Variants in SPA17 observed in about 807,000 individuals in gnomAD.
SPA17 encodes sperm autoantigenic protein 17.
SPA17 carries 7 observed loss-of-function variants against 13.8 expected under a neutral mutation model. That is an observed-to-expected ratio of 0.51 (90% confidence interval 0.29 to 0.95). The LOEUF is 0.95. Among genes scored for constraint, SPA17 ranks in the 40% least tolerant of loss-of-function variants. The probability of loss-of-function intolerance (pLI) is 0.08; values close to 1 mark genes in which losing one functional copy is unlikely to be tolerated. For synonymous variants in SPA17, 61 were observed against 59.0 expected, an observed-to-expected ratio of 1.03 and a Z score of -0.16; for missense variants, 170 against 179.3, an observed-to-expected ratio of 0.95 and a Z score of 0.30.
Position 124,673,947 on chromosome 11 carries a change from AAGG to A in SPA17, c.-29_-28+1del. 3 of 573,274 alleles carry A rather than the reference AAGG, an allele frequency of 5.2e-6. No homozygotes were observed. Among genetic ancestry groups the A allele is most frequent in the Non-Finnish European group, 6.2e-6 (2 of 322,234 alleles). The allele number at this position is 573,274 out of a possible 1,614,324, so 35.5% of individuals were successfully genotyped here. On this transcript the variant is annotated splice_region_variant and 5_prime_UTR_variant, in exon 1 of 5. Coordinates refer to ENST00000227135, the MANE Select transcript of SPA17 (RefSeq NM_017425.4). ...AACCGGCGGCACCAGCTCGGAGAGA[AAGG>A]AGGTGAGGCCGCTTCCCCACTTCCT...
At position 124,691,551 on chromosome 11, in the gene SPA17, C is replaced by T. The variant is rs1943623446; in HGVS notation, c.226-145C>T. ...ATTTCTTCTTGTTTCAATGTATTTT[C>T]CTTATTAAAAGATAAATACGTAGTA... is the stretch of plus-strand genomic sequence containing the variant. On this transcript the variant is annotated intron_variant, in intron 3 of 4. Transcript: ENST00000227135. The T allele has an allele frequency of 9.2e-6, 4 of 435,736 alleles. No homozygotes were observed. In the Admixed American group the frequency reaches 1.7e-4, roughly 19 times the overall value. The allele number at this position is 435,736 out of a possible 1,614,324, so 27.0% of individuals were successfully genotyped here.
Position 124,694,396 on chromosome 11 carries a change from A to T in SPA17, c.406A>T (p.Lys136Ter), listed in dbSNP as rs201320213. The T allele has an allele frequency of 6.2e-7, 1 of 1,614,080 alleles. No individual in the cohort carries two copies. The highest frequency in any genetic ancestry group is 8.5e-7 in the Non-Finnish European group (1 of 1,180,014). The part of the protein sequence containing the change: ...RGHIAREEAK[K>*]MKTNSLQNEE... ...ACACATAGCCAGAGAGGAGGCAAAG[A>T]AAATGAAAACAAATAGTCTTCAAAA... Residue 136 changes from lysine (K) to a stop codon, truncating the protein, a stop_gained, in exon 5 of 5, where the codon AAA becomes TAA. Coordinates refer to ENST00000227135, the MANE Select transcript of SPA17 (RefSeq NM_017425.4). LOFTEE classifies it low-confidence loss of function (END_TRUNC).
intron 3 of SPA17, among the ~76,000 whole-genome samples, chr11:124,683,167 T>C (rs887411922): frequency 1.3e-5 from 2 of 152,168 alleles, no homozygotes; most frequent in African/African-American, 4.8e-5. Flanking sequence ...AATAAAGTAT[T>C]TCCCAAACAA....
At chr11:124,687,875 C>T (rs1943590874) in intron 3 of SPA17, among the ~76,000 whole-genome samples, 1 of 152,094 alleles carries the variant, frequency 6.6e-6, no homozygotes. Context: ...AGAACAGGAA[C>T]AAGACAAGAA....
At chr11:124,685,736 G>A (rs1221768105) in intron 3 of SPA17, among the ~76,000 whole-genome samples, 1 of 152,216 alleles carries the variant, frequency 6.6e-6, no homozygotes, top group Non-Finnish European at 1.5e-5. Flanking sequence ...ATGGATTTGA[G>A]ACATGGACTC....
At position 124,692,521 on chromosome 11, in the gene SPA17, A is replaced by G. The variant is rs1212041745; in HGVS notation, c.312+739A>G. On this transcript the variant is annotated intron_variant, in intron 4 of 4. Coordinates refer to ENST00000227135, the MANE Select transcript of SPA17 (RefSeq NM_017425.4). ...TGTGAACCCGGGAGGCGGAGGTTGC[A>G]GTGAGCCAAGATCACGCCACTGCAC... Among the ~76,000 whole-genome samples, 4 of 152,282 alleles carry G rather than the reference A, an allele frequency of 2.6e-5. No individual in the cohort carries two copies. In the East Asian group the frequency reaches 7.7e-4, roughly 29 times the overall value.
intron 3 of SPA17, among the ~76,000 whole-genome samples, chr11:124,690,174 C>T (rs1943612529): frequency 6.6e-6 from 1 of 152,172 alleles, no homozygotes; most frequent in Admixed American, 6.5e-5. Context: ...ATGTTGTTTG[C>T]AGCACCATTC....
rs1331084440 is a variant in SPA17, at chr11:124,673,943, G to A, written c.-37G>A. 5.2e-6 allele frequency: 3 copies of A among 578,340 alleles called. No homozygotes were observed. The highest frequency in any genetic ancestry group is 9.2e-6 in the Non-Finnish European group (3 of 325,348). 35.8% of individuals were successfully genotyped at this position (578,340 alleles called of 1,614,324 possible). A position where few individuals can be genotyped will look rare whatever the true frequency, so the allele number is the denominator to read the frequency against. ...CCGGAACCGGCGGCACCAGCTCGGA[G>A]AGAAAGGAGGTGAGGCCGCTTCCCC... On this transcript the variant is annotated 5_prime_UTR_variant, in exon 1 of 5. Coordinates refer to ENST00000227135, the MANE Select transcript of SPA17 (RefSeq NM_017425.4).
At position 124,681,437 on chromosome 11, in the gene SPA17, T is replaced by A. The variant is rs1943529317; in HGVS notation, c.203T>A (p.Phe68Tyr). 1 of 1,585,458 alleles carries A rather than the reference T, an allele frequency of 6.3e-7. No homozygotes were observed. The highest frequency in any genetic ancestry group is 1.4e-5 in the African/African-American group (1 of 73,902). ...TGGGGGAGTAAGGTAGAAGACCGCT[T>A]CTATAACAATCATGCATTCGAGGTA... ...AEWGSKVEDR[F>Y]YNNHAFEEQE... is the part of the protein sequence containing the mutation. Residue 68 changes from phenylalanine to tyrosine, a missense_variant, in exon 3 of 5, where the codon TTC becomes TAC. Coordinates refer to ENST00000227135, the MANE Select transcript of SPA17 (RefSeq NM_017425.4).
intron 4 of SPA17, among the ~76,000 whole-genome samples, chr11:124,692,143 A>G (rs1057224889): frequency 2.0e-5 from 3 of 152,190 alleles, no homozygotes; most frequent in Non-Finnish European, 4.4e-5. Context: ...CACAATGGCA[A>G]ATTTCAGAGA....
intron 4 of SPA17, 51 bp downstream of exon 4, chr11:124,691,833 C>T (rs191485333): frequency 8.7e-4 from 1,086 of 1,253,890 alleles, no homozygotes; most frequent in Admixed American, 1.2e-3. Context: ...AATGATATTG[C>T]CCAATTTAAA....
chr11:124,676,720 A>G (rs1943467824), intron 2 of SPA17, among the ~76,000 whole-genome samples: 1 of 152,236 alleles, frequency 6.6e-6, no homozygotes, highest in African/African-American at 2.4e-5. Context: ...TCATTTGGCA[A>G]TAGACTTGGG....
Position 124,675,382 on chromosome 11 carries a change from G to A in SPA17, c.118G>A (p.Ala40Thr), listed in dbSNP as rs570560965. 6.2e-7 allele frequency: 1 copy of A among 1,614,062 alleles called. No individual in the cohort carries two copies. The highest frequency in any genetic ancestry group is 1.1e-5 in the South Asian group (1 of 91,044). The stretch of plus-strand genomic sequence containing the variant: ...ACCGGACAATATACCAGCTTTTGCA[G>A]CAGCCTATTTTGAGAGCCTTCTAGA... ...EQPDNIPAFAAAYFESLLEKR... is the reference protein window; with the variant it reads ...EQPDNIPAFATAYFESLLEKR... The change falls in exon 2 of 5, where the codon GCA becomes ACA. Residue 40 changes from alanine (A) to threonine (T), a missense_variant. By Grantham distance (58) the Ala-to-Thr change is moderately conservative. Coordinates refer to ENST00000227135, the MANE Select transcript of SPA17 (RefSeq NM_017425.4).
At chr11:124,690,597 A>G (rs12272220) in intron 3 of SPA17, among the ~76,000 whole-genome samples, 3,888 of 152,280 alleles carry the variant, frequency 0.026, 145 homozygotes, top group African/African-American at 0.082. Flanking sequence ...TTGTACATGT[A>G]CTCCATAAAT....
rs573794761 is a variant in SPA17, at chr11:124,695,896, C to G, written c.*1450C>G. On this transcript the variant is annotated 3_prime_UTR_variant, in exon 5 of 5. Transcript: ENST00000227135. ...GATCCTTGTCCTAGGCTTAGACATG[C>G]TCTTTCTGCAAAGCAGTTTTATTTC... The G allele has an allele frequency of 3.9e-5, 6 of 152,390 alleles. No individual in the cohort carries two copies. The highest frequency in any genetic ancestry group is 1.2e-4 in the African/African-American group (5 of 41,582). 9.4% of individuals were successfully genotyped at this position (152,390 alleles called of 1,614,324 possible).
chr11:124,675,446 T>A (rs775663223), intron 2 of SPA17, 28 bp downstream of exon 2: 3 of 1,600,448 alleles, frequency 1.9e-6, no homozygotes, highest in African/African-American at 1.4e-5. Context: ...AGTCATTTTT[T>A]AAAATAAGAA....
At position 124,695,680 on chromosome 11, in the gene SPA17, C is replaced by T. The variant is rs1247263185; in HGVS notation, c.*1234C>T. On this transcript the variant is annotated 3_prime_UTR_variant, in exon 5 of 5. Coordinates refer to ENST00000227135, the MANE Select transcript of SPA17 (RefSeq NM_017425.4). ...CCAGCAGACTGAGGTGATTCTCTGG[C>T]TGGTTCCAATTCCTGCCTGCACCAT... The T allele has an allele frequency of 6.6e-6, 1 of 152,240 alleles. No individual in the cohort carries two copies. The highest frequency in any genetic ancestry group is 1.5e-5 in the Non-Finnish European group (1 of 68,066). 9.4% of individuals were successfully genotyped at this position (152,240 alleles called of 1,614,324 possible).
In SPA17 at chr11:124,695,406, G is replaced by C. The variant is rs1943662368; in HGVS notation, c.*960G>C. On this transcript the variant is annotated 3_prime_UTR_variant, in exon 5 of 5. Transcript: ENST00000227135. ...AAGTTTTTAAATATACAATGGTAAT[G>C]CCTGTTTAACAAACTCAGAGGCTTT... 6.6e-6 allele frequency: 1 copy of C among 151,964 alleles called. No individual in the cohort carries two copies. The highest frequency in any genetic ancestry group is 2.4e-5 in the African/African-American group (1 of 41,312). 9.4% of individuals were successfully genotyped at this position (151,964 alleles called of 1,614,324 possible). A position where few individuals can be genotyped will look rare whatever the true frequency, so the allele number is the denominator to read the frequency against.
intron 4 of SPA17, among the ~76,000 whole-genome samples, chr11:124,694,017 G>A (rs760250811): frequency 2.0e-5 from 3 of 152,072 alleles, no homozygotes; most frequent in Non-Finnish European, 4.4e-5. Context: ...CCCAAAAAAT[G>A]TTGTTGCTCA....
Sources: allele counts gnomAD v4.1 joint callset (sites outside exome capture counted in the v4.1 genomes callset), GRCh38; gene constraint gnomAD v4.1.1; transcripts MANE v1.5; gene names NCBI Gene and HGNC (gene_info 2026-07-23, HGNC 2026-07-21).